DGKI: variants seen among roughly 807,000 people sequenced by gnomAD.
The protein encoded by DGKI is diacylglycerol kinase iota, also known as DAG kinase iota.
A neutral mutation model predicts 147.5 loss-of-function variants in DGKI; 55 were observed. That is an observed-to-expected ratio of 0.37 (90% CI 0.30 to 0.47). The LOEUF (loss-of-function observed/expected upper bound fraction) is 0.47. Among genes scored for constraint, DGKI ranks in the 20% least tolerant of loss-of-function variants. The pLI is 1.00. For synonymous variants in DGKI, 469 were observed against 477.1 expected (o/e 0.98, Z 0.22); for missense variants, 1,007 against 1,323.8 (o/e 0.76, Z 3.71).
chr7:137,443,985 C>T, intron 28 of DGKI, 92 bp downstream of exon 28: 2 of 1,095,094 alleles, frequency 1.8e-6, no homozygotes, highest in Non-Finnish European at 2.6e-6. Context: ...GAGACATTTG[C>T]TTAAACAATT....
At chr7:137,788,589 G>A (rs981742127) in intron 1 of DGKI, among the ~76,000 whole-genome samples, 1 of 151,100 alleles carries the variant, frequency 6.6e-6, no homozygotes, top group Non-Finnish European at 1.5e-5. Flanking sequence ...CTCTATTCTT[G>A]TTGGTCTAGA....
chr7:137,432,443 G>T (rs772463303), intron 28 of DGKI, among the ~76,000 whole-genome samples: 2 of 152,094 alleles, frequency 1.3e-5, no homozygotes, highest in Non-Finnish European at 2.9e-5. Flanking sequence ...GACATTGATG[G>T]TTGCTCTCAC....
At chr7:137,749,979 G>A (rs1401267528) in intron 1 of DGKI, among the ~76,000 whole-genome samples, 2 of 152,186 alleles carry the variant, frequency 1.3e-5, no homozygotes, top group Admixed American at 6.5e-5. Flanking sequence ...TGCAAAGACT[G>A]AGAAAGTGCA....
intron 24 of DGKI, among the ~76,000 whole-genome samples, chr7:137,468,821 A>G (rs561923045): frequency 6.6e-6 from 1 of 152,280 alleles, no homozygotes; most frequent in South Asian, 2.1e-4. Context: ...ATCCTCTCAG[A>G]TGCTCACCCA....
chr7:137,606,811 C>G (rs1312136519), intron 10 of DGKI, among the ~76,000 whole-genome samples: 1 of 152,168 alleles, frequency 6.6e-6, no homozygotes, highest in Admixed American at 6.6e-5. Context: ...TATGCATGCA[C>G]CACTCATCAT....
intron 20 of DGKI, among the ~76,000 whole-genome samples, chr7:137,546,643 C>G (rs1313645349): frequency 6.6e-6 from 1 of 152,188 alleles, no homozygotes; most frequent in Non-Finnish European, 1.5e-5. Flanking sequence ...ATATTGGAGT[C>G]TACAGCAGCT....
intron 1 of DGKI, among the ~76,000 whole-genome samples, chr7:137,705,186 A>G (rs1033156572): frequency 3.9e-5 from 6 of 152,172 alleles, no homozygotes; most frequent in Non-Finnish European, 8.8e-5. Flanking sequence ...TTTGACAACT[A>G]TTAGACAGTT....
chr7:137,715,518 C>T (rs1018337367), intron 1 of DGKI, among the ~76,000 whole-genome samples: 2 of 152,172 alleles, frequency 1.3e-5, no homozygotes, highest in Non-Finnish European at 2.9e-5. Context: ...AGTCCAGAAA[C>T]GTTGTTCCTT....
intron 21 of DGKI, among the ~76,000 whole-genome samples, chr7:137,514,403 G>A (rs186464262): frequency 1.4e-4 from 22 of 152,180 alleles, no homozygotes; most frequent in Non-Finnish European, 2.6e-4. Flanking sequence ...AATCTCGTGA[G>A]GCTACCACTA....
chr7:137,409,877 G>T (rs1033354741), intron 29 of DGKI, among the ~76,000 whole-genome samples: 6 of 151,300 alleles, frequency 4.0e-5, no homozygotes, highest in African/African-American at 1.5e-4. Context: ...TCTATCTCTC[G>T]CTCTCTTTGT....
At chr7:137,610,929 G>A (rs897759589) in intron 8 of DGKI, among the ~76,000 whole-genome samples, 13 of 152,136 alleles carry the variant, frequency 8.5e-5, no homozygotes, top group Non-Finnish European at 1.5e-4. Context: ...TTTCCCATCA[G>A]ATTAAAAGAT....
intron 28 of DGKI, among the ~76,000 whole-genome samples, chr7:137,430,932 C>T (rs539705733): frequency 6.6e-6 from 1 of 152,132 alleles, no homozygotes; most frequent in South Asian, 2.1e-4. Flanking sequence ...TCTCCCTCCT[C>T]TCCCCGAACT....
intron 28 of DGKI, among the ~76,000 whole-genome samples, chr7:137,440,547 A>T (rs1169611694): frequency 6.6e-6 from 1 of 152,224 alleles, no homozygotes; most frequent in Non-Finnish European, 1.5e-5. Context: ...AAAGAGAGTT[A>T]AGAGTTTGAT....
Position 137,846,310 on chromosome 7 carries a change from G to T in DGKI, c.401+152C>A. 2.0e-6 allele frequency: 1 copy of T among 508,414 alleles called. No homozygotes were observed. The highest frequency in any genetic ancestry group is 3.5e-6 in the Non-Finnish European group (1 of 288,316). 31.5% of individuals were successfully genotyped at this position (508,414 alleles called of 1,614,324 possible). A position where few individuals can be genotyped will look rare whatever the true frequency, so the allele number is the denominator to read the frequency against. On this transcript the variant is annotated intron_variant, in intron 1 of 32. Coordinates refer to ENST00000614521, the MANE Select transcript of DGKI (RefSeq NM_001321708.2). The surrounding 1 kb of genome is among the most constrained non-coding windows in gnomAD (Gnocchi z 4.0). ...GCCTGGAATGATAGGATGGGGAGAA[G>T]ACAGACATCCCCGGGAGGAGAGGGG...
chr7:137,531,753 G>T (rs567001243), intron 20 of DGKI, among the ~76,000 whole-genome samples: 2 of 152,044 alleles, frequency 1.3e-5, no homozygotes, highest in Admixed American at 6.6e-5. Flanking sequence ...ATTCACTTTC[G>T]TTGCTAAAAA....
At position 137,641,403 on chromosome 7, in the gene DGKI, C is replaced by A. The variant is rs527523628; in HGVS notation, c.804+4069G>T. On this transcript the variant is annotated intron_variant, in intron 6 of 32. Transcript: ENST00000614521. ...ATCCCTAATCTGAAAATCAAAAATC[C>A]AAAATGCTTCAAAACCCAAAACCTT... is the stretch of plus-strand genomic sequence containing the variant. Among the ~76,000 whole-genome samples the A allele has an allele frequency of 1.2e-4, 19 of 152,202 alleles. No homozygotes were observed. The East Asian group carries it at 3.7e-3, about 29-fold the overall frequency.
At chr7:137,705,713 C>T (rs1055968148) in intron 1 of DGKI, among the ~76,000 whole-genome samples, 1 of 151,260 alleles carries the variant, frequency 6.6e-6, no homozygotes, top group African/African-American at 2.4e-5. Flanking sequence ...ATAAAAATTA[C>T]AAAAAAGAAA....
At chr7:137,474,292 T>C (rs1815090408) in intron 23 of DGKI, among the ~76,000 whole-genome samples, 1 of 152,228 alleles carries the variant, frequency 6.6e-6, no homozygotes, top group South Asian at 2.1e-4. Flanking sequence ...ATGAAAATGC[T>C]TCACCTACAT....
intron 1 of DGKI, among the ~76,000 whole-genome samples, chr7:137,721,820 A>C (rs1237200352): frequency 2.0e-5 from 3 of 152,108 alleles, no homozygotes; most frequent in Non-Finnish European, 4.4e-5. Context: ...TAAACCTGTC[A>C]TGTCTTTCAT....
Sources: allele counts gnomAD v4.1 joint callset (sites outside exome capture counted in the v4.1 genomes callset), GRCh38; gene constraint gnomAD v4.1.1; non-coding constraint Gnocchi (gnomAD v3.1); transcripts MANE v1.5; gene names NCBI Gene and HGNC (gene_info 2026-07-23, HGNC 2026-07-21).